Variants in ZC3H12B observed in about 807,000 individuals in gnomAD.
ZC3H12B encodes zinc finger CCCH-type containing 12B, also known as probable ribonuclease ZC3H12B.
ZC3H12B carries 7 observed loss-of-function variants against 43.9 expected under a neutral mutation model. The observed-to-expected ratio is 0.16, with a 90% CI of 0.09 to 0.30. ZC3H12B has a LOEUF of 0.30. Ranked by LOEUF, ZC3H12B falls within the 10% of genes least tolerant of loss-of-function variation. ZC3H12B has a pLI of 1.00. For synonymous variants in ZC3H12B, 222 were observed against 241.7 expected (o/e 0.92, Z 0.76); for missense variants, 475 against 670.2 (o/e 0.71, Z 3.22).
At chrX:65,500,014 G>T in intron 4 of ZC3H12B, 25 bp downstream of exon 9, 1 of 1,078,149 alleles carries the variant, frequency 9.3e-7, no homozygotes, top group Non-Finnish European at 1.3e-6. Context: ...ACAAAACTGA[G>T]TTCTGTACCA....
chrX:65,092,284 G>A, the ZC3H12B span, among the ~76,000 whole-genome samples: 1 of 111,723 alleles, frequency 9.0e-6, no homozygotes, highest in Non-Finnish European at 1.9e-5. Flanking sequence ...ATATGAATGA[G>A]ATAATGGACT....
At chrX:65,489,436 AT>A (rs749583959) in intron 1 of ZC3H12B, 27 bp downstream of exon 6, 19 of 1,155,093 alleles carry the variant, frequency 1.6e-5, no homozygotes, top group Non-Finnish European at 1.3e-5. Context: ...TTTTTCTCCC[AT>A]TTTAAAAAAC....
At chrX:65,307,509 C>T in the ZC3H12B span, among the ~76,000 whole-genome samples, 1 of 111,687 alleles carries the variant, frequency 9.0e-6, no homozygotes, top group Admixed American at 9.5e-5. Flanking sequence ...AATCAAAAGT[C>T]TTGAAGAGTT....
the ZC3H12B span, chrX:65,186,069 T>A: frequency 8.9e-6 from 1 of 111,973 alleles, no homozygotes; most frequent in East Asian, 2.8e-4. Flanking sequence ...GAGTTTTCCA[T>A]AGAAAATAAT....
At chrX:65,058,025 C>G in the ZC3H12B span, among the ~76,000 whole-genome samples, 1 of 111,894 alleles carries the variant, frequency 8.9e-6, no homozygotes, top group Non-Finnish European at 1.9e-5. Context: ...GCGATGTGTT[C>G]GAACTTCCTC....
At chrX:65,036,224 A>G in the ZC3H12B span, among the ~76,000 whole-genome samples, 1 of 111,845 alleles carries the variant, frequency 8.9e-6, no homozygotes, top group Non-Finnish European at 1.9e-5. Flanking sequence ...TAAGTGGTTG[A>G]AAAAACTTAC....
rs1169323055 is a variant in ZC3H12B, at chrX:65,450,365, A to G, written n.408-38281A>G. On this transcript the variant is annotated intron_variant and non_coding_transcript_variant, in intron 3 of 5. Transcript: ENST00000617377. ...TATATATGTGTATATATATGTGTGT[A>G]TATACATATATATATTTATATGTGT... is the stretch of plus-strand genomic sequence containing the variant. Among the ~76,000 whole-genome samples, 3 of 81,180 alleles carry G rather than the reference A, an allele frequency of 3.7e-5. No individual in the cohort carries two copies. The Admixed American group carries it at 4.9e-4, about 13-fold the overall frequency. The allele number at this position is 81,180 out of a possible 115,157, so 70.5% of individuals were successfully genotyped here.
the ZC3H12B span, among the ~76,000 whole-genome samples, chrX:65,078,019 AAACT>A: frequency 1.8e-5 from 2 of 112,182 alleles, no homozygotes; most frequent in African/African-American, 6.5e-5. Flanking sequence ...ATTAATGGTG[AAACT>A]AACAAGATTT....
the ZC3H12B span, among the ~76,000 whole-genome samples, chrX:65,192,182 C>G: frequency 2.7e-5 from 3 of 109,671 alleles, no homozygotes; most frequent in African/African-American, 9.9e-5. Context: ...GTTATAATTT[C>G]TGTTCTTTTA....
the ZC3H12B span, among the ~76,000 whole-genome samples, chrX:65,210,871 A>T: frequency 4.4e-5 from 2 of 45,729 alleles, no homozygotes; most frequent in Admixed American, 5.6e-4. Context: ...TTGAACAATG[A>T]GATCACATGG....
chrX:65,254,449 C>T, the ZC3H12B span, among the ~76,000 whole-genome samples: 1 of 112,370 alleles, frequency 8.9e-6, no homozygotes. Context: ...TTGAGCTGAG[C>T]CTTGATCTGA....
the ZC3H12B span, among the ~76,000 whole-genome samples, chrX:65,175,344 C>A: frequency 8.9e-6 from 1 of 111,863 alleles, no homozygotes; most frequent in South Asian, 3.7e-4. Context: ...GATCTCTCTC[C>A]GTTTTGCATG....
chrX:65,452,068 T>G lies in ZC3H12B; in HGVS notation n.408-36578T>G, dbSNP rs772074352. Among the ~76,000 whole-genome samples, 9 of 111,607 alleles carry G rather than the reference T, an allele frequency of 8.1e-5. No individual in the cohort carries two copies. The South Asian group carries it at 3.0e-3, about 37-fold the overall frequency. Reference sequence around the variant, plus strand: ...TTGTGGGTCTTTCATAAGGAAAAAGTGAATACTCCAGTGTCAAACTAATGG... The same window carrying G: ...TTGTGGGTCTTTCATAAGGAAAAAGGGAATACTCCAGTGTCAAACTAATGG... On this transcript the variant is annotated intron_variant and non_coding_transcript_variant, in intron 3 of 5. Coordinates refer to the ZC3H12B transcript ENST00000617377.
At position 65,418,750 on chromosome X, in the gene ZC3H12B, G is replaced by A. The variant is rs192009469; in HGVS notation, n.407+20046G>A. Among the ~76,000 whole-genome samples the A allele has an allele frequency of 6.3e-5, 7 of 111,780 alleles. No individual in the cohort carries two copies. The South Asian group carries it at 1.1e-3, about 18-fold the overall frequency. Reference sequence around the variant, plus strand: ...TTCACCTGAATAGTGAAAACTAAGCGACATGGCCCCTAAGTCCATTTCAAG... The same window carrying A: ...TTCACCTGAATAGTGAAAACTAAGCAACATGGCCCCTAAGTCCATTTCAAG... On this transcript the variant is annotated intron_variant and non_coding_transcript_variant, in intron 3 of 5. Coordinates refer to the ZC3H12B transcript ENST00000617377.
the ZC3H12B span, among the ~76,000 whole-genome samples, chrX:65,256,959 G>T: frequency 8.9e-6 from 1 of 112,253 alleles, no homozygotes; most frequent in African/African-American, 3.2e-5. Context: ...AACAGCAGGT[G>T]CTGGAGAGGA....
At chrX:65,096,487 AAAAG>A in the ZC3H12B span, among the ~76,000 whole-genome samples, 1 of 112,491 alleles carries the variant, frequency 8.9e-6, no homozygotes, top group African/African-American at 3.2e-5. Flanking sequence ...CTAAGAATCA[AAAAG>A]AAAGGCTGGA....
chrX:65,316,568 A>G, the ZC3H12B span, among the ~76,000 whole-genome samples: 3 of 111,967 alleles, frequency 2.7e-5, no homozygotes, highest in Admixed American at 9.5e-5. Flanking sequence ...AAGTGAAGGA[A>G]AAAAAGGTTA....
the ZC3H12B span, among the ~76,000 whole-genome samples, chrX:65,136,758 G>T: frequency 9.0e-6 from 1 of 111,245 alleles, no homozygotes; most frequent in East Asian, 2.8e-4. Flanking sequence ...TCCCTAGTTA[G>T]GCTGCCTTAT....
At chrX:65,186,741 G>A in the ZC3H12B span, among the ~76,000 whole-genome samples, 3 of 110,557 alleles carry the variant, frequency 2.7e-5, no homozygotes, top group Admixed American at 9.7e-5. Context: ...ATGCCTTTGC[G>A]TCCTCATAGC....
Sources: gnomAD v4.1 joint callset for allele counts (sites outside exome capture counted in the v4.1 genomes callset) on GRCh38, gnomAD v4.1.1 for gene constraint, MANE v1.5 for transcripts, NCBI Gene and HGNC (gene_info 2026-07-23, HGNC 2026-07-21) for gene names.